The following IL18BP variants were observed in gnomAD, a reference collection of about 807,000 sequenced individuals.
IL18BP encodes interleukin-18-binding protein.
Under a neutral mutation model 19.9 loss-of-function variants are expected in IL18BP, and 23 were observed. The observed-to-expected ratio is 1.15, with a 90% CI of 0.83 to 1.64. IL18BP has a LOEUF of 1.64. Among genes scored for constraint, IL18BP ranks in the 40% most tolerant of loss-of-function variants. The probability of loss-of-function intolerance (pLI) is 0.00; values close to 1 mark genes in which losing one functional copy is unlikely to be tolerated. For synonymous variants in IL18BP, 107 were observed against 101.0 expected (o/e 1.06, Z -0.35); for missense variants, 239 against 240.7 (o/e 0.99, Z 0.05).
At position 72,001,871 on chromosome 11, in the gene IL18BP, C is replaced by T. The variant is rs749355031; in HGVS notation, c.*10C>T. On this transcript the variant is annotated 3_prime_UTR_variant, in exon 6 of 6. Transcript: ENST00000393703. ...ACAGCAGCAGGGTTAAGACTCAGCA[C>T]AGGGCCAGCAGCAGCACAACCTTGA... 1.2e-6 allele frequency: 2 copies of T among 1,614,044 alleles called. No individual in the cohort carries two copies. The highest frequency in any genetic ancestry group is 2.7e-5 in the African/African-American group (2 of 74,932).
At chr11:72,006,475 T>C (rs1400350355), downstream of IL18BP, among the ~76,000 whole-genome samples, 3 of 152,160 alleles carry the variant, frequency 2.0e-5, no homozygotes, top group Admixed American at 2.0e-4. Flanking sequence ...CTTCTACGCA[T>C]TTTTTTCATG....
downstream of IL18BP, chr11:72,006,097 C>T (rs372962203): frequency 2.5e-5 from 40 of 1,614,052 alleles, no homozygotes; most frequent in African/African-American, 8.0e-5. Context: ...AGTGGTGGGG[C>T]GGTAGCCAGG....
Position 72,000,417 on chromosome 11 carries a change from C to T in IL18BP, c.95C>T (p.Pro32Leu). ...HVVTLLVRAT[P>L]VSQTTTAATA... The stretch of plus-strand genomic sequence containing the variant: ...GTCACTCTCCTGGTCAGAGCCACAC[C>T]TGTCTCGCAGACCACCACAGCTGCC... Residue 32 changes from proline to leucine, a missense_variant, in exon 3 of 6, where the codon CCT becomes CTT. Coordinates refer to ENST00000393703, the MANE Select transcript of IL18BP (RefSeq NM_001039660.2). 6.2e-7 allele frequency: 1 copy of T among 1,614,124 alleles called. No individual in the cohort carries two copies. Among genetic ancestry groups the T allele is most frequent in the South Asian group, 1.1e-5 (1 of 91,082 alleles).
At chr11:72,005,537 T>G, downstream of IL18BP, 1 of 611,160 alleles carries the variant, frequency 1.6e-6, no homozygotes, top group Non-Finnish European at 2.8e-6. Flanking sequence ...AGACTATTTC[T>G]ATCCTAGGGG....
rs371179399 is a variant in IL18BP, at chr11:72,000,675, G to A, written c.235+118G>A. ...CCACCAGCTGAGCCAGCTGGGCTGA[G>A]CACGCACCATTCTCCCTCCCCAACC... On this transcript the variant is annotated intron_variant, in intron 3 of 5. Coordinates refer to ENST00000393703, the MANE Select transcript of IL18BP (RefSeq NM_001039660.2). The A allele has an allele frequency of 1.3e-3, 1,014 of 801,446 alleles. 18 individuals are homozygous for A. The South Asian group carries it at 0.016, about 12-fold the overall frequency. 49.6% of individuals were successfully genotyped at this position (801,446 alleles called of 1,614,324 possible). A position where few individuals can be genotyped will look rare whatever the true frequency, so the allele number is the denominator to read the frequency against.
At chr11:72,003,706 A>G, downstream of IL18BP, 1 of 1,015,792 alleles carries the variant, frequency 9.8e-7, no homozygotes, top group Admixed American at 2.1e-5. Flanking sequence ...GGTGCTCTCC[A>G]TGAGAATGGG....
chr11:72,000,884 C>T (rs1955178957), intron 3 of IL18BP, among the ~76,000 whole-genome samples: 2 of 152,192 alleles, frequency 1.3e-5, no homozygotes, highest in South Asian at 4.1e-4. Flanking sequence ...AGCAGCCATC[C>T]AGCACTGCCT....
At chr11:72,003,796 G>T, downstream of IL18BP, 1 of 1,338,070 alleles carries the variant, frequency 7.5e-7, no homozygotes. Flanking sequence ...AGCCTGGCGT[G>T]GCCCCATCTT....
At chr11:72,001,695 T>C in intron 5 of IL18BP, 89 bp from the exon 6 acceptor site, 1 of 1,612,058 alleles carries the variant, frequency 6.2e-7, no homozygotes, top group Non-Finnish European at 8.5e-7. Context: ...GGAACTTAGG[T>C]CTTGGGCAGA....
chr11:71,999,844 G>A, intron 1 of IL18BP, 83 bp from the exon 2 acceptor site: 1 of 743,510 alleles, frequency 1.3e-6, no homozygotes, highest in Non-Finnish European at 2.3e-6. Flanking sequence ...TGCTACGGGA[G>A]GAGAAGCCAG....
downstream of IL18BP, chr11:72,003,413 T>C: frequency 2.9e-6 from 3 of 1,025,284 alleles, no homozygotes; most frequent in Admixed American, 1.7e-5. Context: ...CTCTAGGGGT[T>C]TGGCTACTGT....
At chr11:71,999,155 C>T (rs1565169831) in intron 1 of IL18BP, 136 bp downstream of exon 1, 1 of 516,514 alleles carries the variant, frequency 1.9e-6, no homozygotes, top group South Asian at 1.4e-5. Context: ...GAGTGGGTAG[C>T]CTGGGAAAGG....
downstream of IL18BP, chr11:72,005,159 C>T: frequency 6.9e-7 from 1 of 1,454,682 alleles, no homozygotes; most frequent in Non-Finnish European, 9.2e-7. Context: ...CCCTAGTGCT[C>T]AGGCTAGATC....
downstream of IL18BP, chr11:72,005,116 C>T: frequency 8.3e-7 from 1 of 1,203,466 alleles, no homozygotes; most frequent in Non-Finnish European, 1.1e-6. Flanking sequence ...AGAAGGTCAC[C>T]CTCCCCCTCC....
chr11:72,000,299 G>A (rs1267083857), intron 2 of IL18BP, 52 bp from the exon 3 acceptor site: 32 of 1,503,416 alleles, frequency 2.1e-5, no homozygotes, highest in Admixed American at 1.8e-4. Context: ...TCCTTACCCG[G>A]GCAGCCCACT....
downstream of IL18BP, chr11:72,003,117 C>T (rs1955373451): frequency 1.1e-5 from 3 of 268,650 alleles, no homozygotes; most frequent in East Asian, 1.7e-4. Flanking sequence ...AGAGTGAGGG[C>T]CCCTGCTGGG....
chr11:72,004,302 G>T (rs768952910), downstream of IL18BP: 1 of 1,613,092 alleles, frequency 6.2e-7, no homozygotes, highest in Non-Finnish European at 8.5e-7. Flanking sequence ...CGGTCTCGGG[G>T]AGTCATGGGG....
chr11:72,001,303 G>A lies in IL18BP; in HGVS notation c.338G>A (p.Arg113Gln), dbSNP rs556802831. ...TCCTTCATTGAGCACCTCCCAGGCC[G>A]ACTGTGGGAGGGGAGCACCAGGTGA... Reference protein sequence around the residue: ...NGSFIEHLPGRLWEGSTSRER... With the variant: ...NGSFIEHLPGQLWEGSTSRER... The change falls in exon 4 of 6, where the codon CGA (arginine) becomes CAA (glutamine). Residue 113 changes from arginine to glutamine, a missense_variant. By Grantham distance (43) the Arg-to-Gln change is conservative. Coordinates refer to ENST00000393703, the MANE Select transcript of IL18BP (RefSeq NM_001039660.2). The A allele has an allele frequency of 1.2e-5, 20 of 1,614,184 alleles. No homozygotes were observed. The South Asian group carries it at 1.3e-4, about 11-fold the overall frequency.
chr11:72,003,144 G>A (rs943028377), downstream of IL18BP: 2 of 289,774 alleles, frequency 6.9e-6, no homozygotes, highest in African/African-American at 4.3e-5. Flanking sequence ...CACCAGGACA[G>A]CAGGAACCAG....
Sources: gnomAD v4.1 joint callset for allele counts (sites outside exome capture counted in the v4.1 genomes callset) on GRCh38, gnomAD v4.1.1 for gene constraint, MANE v1.5 for transcripts, NCBI Gene and HGNC (gene_info 2026-07-23, HGNC 2026-07-21) for gene names.